Variants in WDR59 observed in about 807,000 individuals in gnomAD.
The protein encoded by WDR59 is WD repeat domain 59.
A neutral mutation model predicts 131.2 loss-of-function variants in WDR59; 100 were observed. The observed-to-expected ratio is 0.76, with a 90% CI of 0.65 to 0.90. The LOEUF (loss-of-function observed/expected upper bound fraction) is 0.90. WDR59 is among the 40% of genes least tolerant of loss of function. The pLI is 0.00. For synonymous variants in WDR59, 601 were observed against 466.2 expected (o/e 1.29, Z -3.72); for missense variants, 1,203 against 1,262.2 (o/e 0.95, Z 0.71).
chr16:74,883,365 G>A (rs1597631313), intron 25 of WDR59, among the ~76,000 whole-genome samples: 2 of 152,054 alleles, frequency 1.3e-5, no homozygotes. Flanking sequence ...ACGTCCAGAG[G>A]TCCCTGAGCC....
In WDR59 at chr16:74,889,650, A is replaced by G. The variant is rs1051396805; in HGVS notation, c.2195+53T>C. ...AGGTGGTGACATTTCAAGTGTTTAC[A>G]GACCAAAAATGGACATCACTCATTT... On this transcript the variant is annotated intron_variant, in intron 21 of 25. Coordinates refer to ENST00000262144, the MANE Select transcript of WDR59 (RefSeq NM_030581.4). The G allele has an allele frequency of 1.6e-5, 24 of 1,468,472 alleles. 1 individual carries two copies. Among genetic ancestry groups the G allele is most frequent in the East Asian group, 4.5e-5 (2 of 44,112 alleles). The allele number at this position is 1,468,472 out of a possible 1,614,324, so 91.0% of individuals were successfully genotyped here. A position where few individuals can be genotyped will look rare whatever the true frequency, so the allele number is the denominator to read the frequency against.
At chr16:74,909,960 C>G (rs1403624981) in intron 14 of WDR59, 43 bp from the exon 15 acceptor site, 2 of 1,332,514 alleles carry the variant, frequency 1.5e-6, no homozygotes, top group Admixed American at 5.2e-5. Context: ...GAACACATTT[C>G]TCTGATAGGT....
rs13335207 is a variant in WDR59 at position 74,873,565 on chromosome 16, T to C, written c.*644A>G. ...AATTAGGGTAAAAAATGATTCACCA[T>C]AATGTTGTTTAACTTTCTCTCTTTT... On this transcript the variant is annotated 3_prime_UTR_variant, in exon 26 of 26. Transcript: ENST00000262144. 6.6e-6 allele frequency: 1 copy of C among 151,478 alleles called. No individual in the cohort carries two copies. Among genetic ancestry groups the C allele is most frequent in the South Asian group, 2.1e-4 (1 of 4,818 alleles). 9.4% of individuals were successfully genotyped at this position (151,478 alleles called of 1,614,324 possible). A position where few individuals can be genotyped will look rare whatever the true frequency, so the allele number is the denominator to read the frequency against.
At chr16:74,947,586 C>A (rs1296864576) in intron 6 of WDR59, among the ~76,000 whole-genome samples, 1 of 152,094 alleles carries the variant, frequency 6.6e-6, no homozygotes, top group African/African-American at 2.4e-5. Flanking sequence ...AACCATTTTT[C>A]AAACAATTTG....
intron 17 of WDR59, 38 bp from the exon 18 acceptor site, chr16:74,904,138 G>A (rs1245282880): frequency 5.0e-6 from 8 of 1,591,990 alleles, no homozygotes; most frequent in Admixed American, 1.8e-5. Flanking sequence ...ACTGGCTGCA[G>A]TCCTGTCATA....
chr16:74,949,330 CAAAAAAAAAAAA>C (rs550013099), intron 5 of WDR59, among the ~76,000 whole-genome samples: 2,249 of 42,694 alleles, frequency 0.053, 78 homozygotes, highest in African/African-American at 0.13. Context: ...TACCTTGTCT[CAAAAAAAAAAAA>C]AAAAAAAAAA....
At chr16:74,955,164 T>C (rs576180996) in intron 3 of WDR59, among the ~76,000 whole-genome samples, 128 of 152,336 alleles carry the variant, frequency 8.4e-4, no homozygotes, top group African/African-American at 3.0e-3. Flanking sequence ...ACAAATGCAG[T>C]GTTAATCCAC....
intron 8 of WDR59, among the ~76,000 whole-genome samples, chr16:74,934,203 G>A (rs548662724): frequency 6.6e-6 from 1 of 152,190 alleles, no homozygotes; most frequent in East Asian, 1.9e-4. Context: ...GTAAAATGTT[G>A]TTAATATGAA....
rs1031663588 is a variant in WDR59, at chr16:74,874,188, C to A, written c.*21G>T. On this transcript the variant is annotated 3_prime_UTR_variant, in exon 26 of 26. Coordinates refer to ENST00000262144, the MANE Select transcript of WDR59 (RefSeq NM_030581.4). Reference sequence around the variant, plus strand: ...CTTATGGGTCCTCTGGGATTTCAGACAATACCCAACTTCTGTAGGTTCAGA... The same window carrying A: ...CTTATGGGTCCTCTGGGATTTCAGAAAATACCCAACTTCTGTAGGTTCAGA... 3 of 1,597,738 alleles carry A rather than the reference C, an allele frequency of 1.9e-6. No homozygotes were observed. The highest frequency in any genetic ancestry group is 3.4e-5 in the Admixed American group (2 of 59,142).
At position 74,915,716 on chromosome 16, in the gene WDR59, G is replaced by A. The variant is rs1037843782; in HGVS notation, c.1224+154C>T. 108 of 1,104,668 alleles carry A rather than the reference G, an allele frequency of 9.8e-5. 1 individual carries two copies. In the African/African-American group the frequency reaches 1.3e-3, roughly 14 times the overall value. 68.4% of individuals were successfully genotyped at this position (1,104,668 alleles called of 1,614,324 possible). ...TGGGATTACAGGCGTGAGCCACCGCGCCTGGCCAGAAAACCCAGGAAATAA... is the reference window on the plus strand; with the variant it reads ...TGGGATTACAGGCGTGAGCCACCGCACCTGGCCAGAAAACCCAGGAAATAA... On this transcript the variant is annotated intron_variant, in intron 13 of 25. Transcript: ENST00000262144.
chr16:74,912,364 T>G lies in WDR59; in HGVS notation c.1225-2A>C. 1 of 1,610,626 alleles carries G rather than the reference T, an allele frequency of 6.2e-7. No homozygotes were observed. Among genetic ancestry groups the G allele is most frequent in the South Asian group, 1.1e-5 (1 of 90,876 alleles). ...GCAGCTCCTGTCTGCCGCATCCATC[T>G]GCAAGAGACAAATCCACAATTGCTG... On this transcript the variant is annotated splice_acceptor_variant, in intron 13 of 25. Transcript: ENST00000262144. LOFTEE classifies it high-confidence loss of function.
chr16:74,913,297 C>T (rs1966198957), intron 13 of WDR59, among the ~76,000 whole-genome samples: 1 of 150,690 alleles, frequency 6.6e-6, no homozygotes, highest in South Asian at 2.1e-4. Flanking sequence ...CAGGGTCTCA[C>T]TTTGTCACCC....
chr16:74,934,849 A>T (rs1476615698), intron 8 of WDR59, among the ~76,000 whole-genome samples: 1 of 150,710 alleles, frequency 6.6e-6, no homozygotes, highest in Non-Finnish European at 1.5e-5. Context: ...GAAATATCAG[A>T]AGAGCCTTGG....
At chr16:74,902,244 C>T (rs1965587870) in intron 18 of WDR59, among the ~76,000 whole-genome samples, 1 of 152,048 alleles carries the variant, frequency 6.6e-6, no homozygotes, top group Non-Finnish European at 1.5e-5. Flanking sequence ...TGAAATAAAA[C>T]ATAAAAGGCC....
At position 74,908,939 on chromosome 16, in the gene WDR59, G is replaced by A. The variant is rs544155248; in HGVS notation, c.1681C>T (p.Arg561Trp). The change falls in exon 17 of 26, where the codon CGG (arginine) becomes TGG (tryptophan). Residue 561 changes from arginine to tryptophan, a missense_variant. Coordinates refer to ENST00000262144, the MANE Select transcript of WDR59 (RefSeq NM_030581.4). ...GTAGGCTCTGTGGGAGACACCGCCC[G>A]ATGCATTGTCATGGGCCTTGTGAAA... is the stretch of plus-strand genomic sequence containing the variant. ...VYFTRPMTMH[R>W]AVSPTEPTPR... 27 of 1,614,090 alleles carry A rather than the reference G, an allele frequency of 1.7e-5. No homozygotes were observed. The highest frequency in any genetic ancestry group is 5.3e-5 in the African/African-American group (4 of 75,038).
chr16:74,901,125 C>G (rs960108250), intron 18 of WDR59, among the ~76,000 whole-genome samples: 1 of 152,026 alleles, frequency 6.6e-6, no homozygotes, highest in African/African-American at 2.4e-5. Context: ...AAACTCTATA[C>G]TGGCTGGGTG....
chr16:74,944,616 A>G (rs1372878188), intron 6 of WDR59, among the ~76,000 whole-genome samples: 1 of 152,030 alleles, frequency 6.6e-6, no homozygotes, highest in Non-Finnish European at 1.5e-5. Flanking sequence ...TGGGGACCAC[A>G]GGCTCTGGGA....
chr16:74,897,284 G>A (rs930954525), intron 18 of WDR59, among the ~76,000 whole-genome samples: 2 of 152,202 alleles, frequency 1.3e-5, no homozygotes, highest in Non-Finnish European at 2.9e-5. Flanking sequence ...AGACCAAGAT[G>A]CTGCATTTCA....
chr16:74,933,632 C>A (rs1321957672), intron 8 of WDR59, among the ~76,000 whole-genome samples: 1 of 152,176 alleles, frequency 6.6e-6, no homozygotes, highest in Non-Finnish European at 1.5e-5. Flanking sequence ...GTCGCCCAGG[C>A]TGGAGTGCAT....
Sources: gnomAD v4.1 joint callset for allele counts (sites outside exome capture counted in the v4.1 genomes callset) on GRCh38, gnomAD v4.1.1 for gene constraint, MANE v1.5 for transcripts, NCBI Gene and HGNC (gene_info 2026-07-23, HGNC 2026-07-21) for gene names.